The following RNF216 variants were observed in gnomAD, a reference collection of about 807,000 sequenced individuals.
RNF216 encodes E3 ubiquitin-protein ligase RNF216.
Under a neutral mutation model 110.8 loss-of-function variants are expected in RNF216, and 72 were observed. The observed-to-expected ratio is 0.65, with a 90% CI of 0.54 to 0.79. The LOEUF (loss-of-function observed/expected upper bound fraction) is 0.79. Among genes scored for constraint, RNF216 ranks in the 30% least tolerant of loss-of-function variants. The pLI, the probability that RNF216 is intolerant of heterozygous loss-of-function variation, is 0.00. For missense variants in RNF216, 1,342 were observed against 1,141.2 expected (o/e 1.18, Z -2.54); for synonymous variants, 495 against 407.5 (o/e 1.21, Z -2.59).
chr7:5,755,841 T>C (rs936087421), intron 2 of RNF216, among the ~76,000 whole-genome samples: 2 of 152,110 alleles, frequency 1.3e-5, no homozygotes, highest in Non-Finnish European at 2.9e-5. Context: ...AAGCATATGC[T>C]CCATTTTGGC....
chr7:5,731,923 T>C (rs1205758092), intron 5 of RNF216, among the ~76,000 whole-genome samples: 1 of 152,208 alleles, frequency 6.6e-6, no homozygotes, highest in Non-Finnish European at 1.5e-5. Context: ...TCATTGATTC[T>C]GCAGCCCCCG....
At chr7:5,697,056 C>G (rs567492419) in intron 13 of RNF216, among the ~76,000 whole-genome samples, 24 of 148,384 alleles carry the variant, frequency 1.6e-4, no homozygotes, top group African/African-American at 5.8e-4. Context: ...TTCTGCATTG[C>G]AAAGCCCTCA....
chr7:5,752,823 T>C (rs1055087496), intron 3 of RNF216, 23 bp downstream of exon 3: 25 of 1,606,482 alleles, frequency 1.6e-5, no homozygotes, highest in East Asian at 1.1e-4. Context: ...TAATGTCTCA[T>C]TGTAAGTTTA....
At chr7:5,722,516 G>A (rs558070957) in intron 8 of RNF216, among the ~76,000 whole-genome samples, 2 of 151,290 alleles carry the variant, frequency 1.3e-5, no homozygotes, top group Admixed American at 6.6e-5. Flanking sequence ...TCAGCCTCCC[G>A]AGTAGCTGGG....
At chr7:5,753,919 C>T (rs753216073) in intron 2 of RNF216, among the ~76,000 whole-genome samples, 3 of 152,000 alleles carry the variant, frequency 2.0e-5, no homozygotes, top group Non-Finnish European at 4.4e-5. Flanking sequence ...CGTTTGAACT[C>T]GGGAGGCAGA....
At chr7:5,668,728 C>G (rs893740777) in intron 13 of RNF216, among the ~76,000 whole-genome samples, 1 of 152,120 alleles carries the variant, frequency 6.6e-6, no homozygotes. Flanking sequence ...GATCCCAGTC[C>G]CGAGGAAGAA....
At position 5,661,392 on chromosome 7, in the gene RNF216, A is replaced by C. The variant is rs138893495; in HGVS notation, c.2062-8882T>G. ...GCTTAGGTTTTTTGTTAAAGAAATA[A>C]ATGAGACCTGCTAGGACTGAAAACT... On this transcript the variant is annotated intron_variant, in intron 13 of 16. Transcript: ENST00000389902. Among the ~76,000 whole-genome samples, 17 of 152,328 alleles carry C rather than the reference A, an allele frequency of 1.1e-4. No individual in the cohort carries two copies. In the East Asian group the frequency reaches 3.3e-3, roughly 29 times the overall value.
chr7:5,668,525 A>G (rs1789682554), intron 13 of RNF216, among the ~76,000 whole-genome samples: 1 of 152,136 alleles, frequency 6.6e-6, no homozygotes, highest in African/African-American at 2.4e-5. Flanking sequence ...GCCAGGCCAC[A>G]AAGCGGACTT....
Position 5,621,681 on chromosome 7 carries a change from G to A in RNF216, c.*1179C>T, listed in dbSNP as rs1310711006. ...CAGAACCCCATGGCAACACGACAAG[G>A]ACAAGGCAGGGCATGAGGAGGAGGA... is the stretch of plus-strand genomic sequence containing the variant. On this transcript the variant is annotated 3_prime_UTR_variant, in exon 17 of 17. Coordinates refer to ENST00000389902, the MANE Select transcript of RNF216 (RefSeq NM_207111.4). The A allele has an allele frequency of 2.0e-5, 3 of 152,748 alleles. No individual in the cohort carries two copies. Among genetic ancestry groups the A allele is most frequent in the Admixed American group, 6.5e-5 (1 of 15,284 alleles). The allele number at this position is 152,748 out of a possible 1,614,324, so 9.5% of individuals were successfully genotyped here. A position where few individuals can be genotyped will look rare whatever the true frequency, so the allele number is the denominator to read the frequency against.
intron 14 of RNF216, among the ~76,000 whole-genome samples, chr7:5,649,007 A>C (rs1382252810): frequency 1.3e-5 from 2 of 152,162 alleles, no homozygotes; most frequent in African/African-American, 4.8e-5. Flanking sequence ...GCTATATAAG[A>C]AAAAAAGGTT....
intron 8 of RNF216, among the ~76,000 whole-genome samples, chr7:5,721,570 G>C (rs765031829): frequency 1.6e-4 from 24 of 152,182 alleles, no homozygotes; most frequent in Non-Finnish European, 3.1e-4. Flanking sequence ...CGAATTGCTA[G>C]ATCATGGGAT....
intron 14 of RNF216, among the ~76,000 whole-genome samples, chr7:5,645,197 A>C (rs957418008): frequency 6.6e-6 from 1 of 151,912 alleles, no homozygotes; most frequent in Non-Finnish European, 1.5e-5. Context: ...TTTGACTCTG[A>C]TGTGTCGTGG....
At chr7:5,636,408 T>C (rs1445153943) in intron 15 of RNF216, among the ~76,000 whole-genome samples, 2 of 152,224 alleles carry the variant, frequency 1.3e-5, no homozygotes, top group Admixed American at 1.3e-4. Flanking sequence ...CTTGAGCTCT[T>C]ACTGTGGAGT....
intron 14 of RNF216, among the ~76,000 whole-genome samples, chr7:5,642,689 G>C (rs1448638732): frequency 2.6e-5 from 4 of 152,070 alleles, no homozygotes; most frequent in Non-Finnish European, 5.9e-5. Flanking sequence ...ATGTTGGCCA[G>C]GCTGGTCTCA....
At chr7:5,659,631 G>A (rs144447272) in intron 13 of RNF216, among the ~76,000 whole-genome samples, 1 of 152,232 alleles carries the variant, frequency 6.6e-6, no homozygotes, top group Non-Finnish European at 1.5e-5. Context: ...GGGATGGTTT[G>A]CTGGGGTTGT....
chr7:5,667,051 C>A lies in RNF216; in HGVS notation c.2062-14541G>T, dbSNP rs186576751. On this transcript the variant is annotated intron_variant, in intron 13 of 16. Coordinates refer to ENST00000389902, the MANE Select transcript of RNF216 (RefSeq NM_207111.4). ...CAAACTCCTGGGCTCAAAGGATGCACCCGCCTCGGCCTCCCATATGCTGGG... is the reference window on the plus strand; with the variant it reads ...CAAACTCCTGGGCTCAAAGGATGCAACCGCCTCGGCCTCCCATATGCTGGG... 9.5e-4 allele frequency among the ~76,000 whole-genome samples: 145 copies of A among 152,264 alleles called. 1 individual carries two copies. Among genetic ancestry groups the A allele is most frequent in the Non-Finnish European group, 1.7e-3 (115 of 68,026 alleles).
In RNF216 at chr7:5,623,114, C is replaced by T. The variant is rs1165110040; in HGVS notation, c.2518G>A (p.Ala840Thr). The T allele has an allele frequency of 1.3e-5, 21 of 1,605,098 alleles. No individual in the cohort carries two copies. Among genetic ancestry groups the T allele is most frequent in the Non-Finnish European group, 1.6e-5 (19 of 1,173,356 alleles). ...TTCTGCGGAACGGGCCTCGGGAGGG[C>T]CTCCACCCTCTGCACCTTCTCCACA... ...KPVEKVQRVE[A>T]LPRPVPQNLP... The change falls in exon 17 of 17, where the codon GCC becomes ACC. Residue 840 changes from alanine to threonine, a missense_variant. Coordinates refer to ENST00000389902, the MANE Select transcript of RNF216 (RefSeq NM_207111.4).
intron 15 of RNF216, among the ~76,000 whole-genome samples, chr7:5,640,220 T>TG (rs1181634437): frequency 3.9e-5 from 6 of 152,140 alleles, no homozygotes; most frequent in African/African-American, 1.4e-4. Context: ...TTTTCATGTA[T>TG]CCCTAATCTT....
chr7:5,709,563 C>T (rs1252137844), intron 13 of RNF216, among the ~76,000 whole-genome samples: 4 of 152,192 alleles, frequency 2.6e-5, no homozygotes, highest in Non-Finnish European at 5.9e-5. Flanking sequence ...ACATGTTTCA[C>T]TGACCACAAG....
Sources: gnomAD v4.1 joint callset for allele counts (sites outside exome capture counted in the v4.1 genomes callset) on GRCh38, gnomAD v4.1.1 for gene constraint, MANE v1.5 for transcripts, NCBI Gene and HGNC (gene_info 2026-07-23, HGNC 2026-07-21) for gene names.